Variants in ERC2 observed in about 807,000 individuals in gnomAD.
The protein encoded by ERC2 is ERC protein 2.
ERC2 carries 42 observed loss-of-function variants against 114.8 expected under a neutral mutation model. That is an observed-to-expected ratio of 0.37 (90% CI 0.29 to 0.47). The LOEUF is 0.47. Among genes scored for constraint, ERC2 ranks in the 20% least tolerant of loss-of-function variants. The probability of loss-of-function intolerance (pLI) is 0.99; values close to 1 mark genes in which losing one functional copy is unlikely to be tolerated. For synonymous variants in ERC2, 454 were observed against 425.5 expected (o/e 1.07, Z -0.82); for missense variants, 939 against 1,150.7 (o/e 0.82, Z 2.66).
intron 16 of ERC2, among the ~76,000 whole-genome samples, chr3:55,695,859 A>C (rs2062900242): frequency 1.3e-5 from 2 of 152,202 alleles, no homozygotes; most frequent in South Asian, 2.1e-4. Flanking sequence ...CAATCAAATA[A>C]GTCTGGGAAA....
intron 4 of ERC2, among the ~76,000 whole-genome samples, chr3:56,170,186 T>C (rs1024715362): frequency 6.6e-6 from 1 of 152,210 alleles, no homozygotes; most frequent in Non-Finnish European, 1.5e-5. Flanking sequence ...AGAAGATAAA[T>C]CACAAATAAC....
intron 3 of ERC2, among the ~76,000 whole-genome samples, chr3:56,279,224 A>G (rs2054194381): frequency 6.6e-6 from 1 of 152,210 alleles, no homozygotes; most frequent in Admixed American, 6.5e-5. Flanking sequence ...TTTTTATCAT[A>G]TACTAAGGCA....
At chr3:55,558,171 C>T (rs1362450341) in intron 17 of ERC2, among the ~76,000 whole-genome samples, 1 of 152,214 alleles carries the variant, frequency 6.6e-6, no homozygotes, top group African/African-American at 2.4e-5. Flanking sequence ...TTAATGCATT[C>T]ATGTGATCCT....
At chr3:56,155,105 G>T (rs1485672) in intron 4 of ERC2, among the ~76,000 whole-genome samples, 35,261 of 152,054 alleles carry the variant, frequency 0.23, 4,862 homozygotes, top group Admixed American at 0.31. Context: ...TCCAGCTATC[G>T]CACATATCTA....
chr3:56,176,496 A>G (rs1271668697), intron 3 of ERC2, among the ~76,000 whole-genome samples: 4 of 152,224 alleles, frequency 2.6e-5, no homozygotes, highest in African/African-American at 4.8e-5. Flanking sequence ...ATTATATTAT[A>G]ATACAAACCA....
intron 7 of ERC2, among the ~76,000 whole-genome samples, chr3:56,050,673 A>G (rs779975748): frequency 6.6e-6 from 1 of 152,008 alleles, no homozygotes; most frequent in Non-Finnish European, 1.5e-5. Context: ...GTCCTCCCAT[A>G]TTCTCTCAAC....
intron 2 of ERC2, among the ~76,000 whole-genome samples, chr3:56,302,304 A>T (rs2055933384): frequency 6.6e-6 from 1 of 152,168 alleles, no homozygotes. Context: ...CACTTTGACA[A>T]TGTAGGAAAT....
In ERC2 at chr3:56,063,112, C is replaced by T. The variant is rs777446859; in HGVS notation, c.1641+17705G>A. On this transcript the variant is annotated intron_variant, in intron 7 of 17. Coordinates refer to ENST00000288221, the MANE Select transcript of ERC2 (RefSeq NM_015576.3). ...TATGCTAAGTCAAAGAAGCCAGACA[C>T]GAAAGTCTATCCATATACAGGATGA... 3.9e-5 allele frequency among the ~76,000 whole-genome samples: 6 copies of T among 152,278 alleles called. No individual in the cohort carries two copies. The East Asian group carries it at 5.8e-4, about 15-fold the overall frequency.
chr3:55,973,378 AGT>A (rs2069323592), intron 12 of ERC2, among the ~76,000 whole-genome samples: 1 of 152,376 alleles, frequency 6.6e-6, no homozygotes, highest in Non-Finnish European at 1.5e-5. Flanking sequence ...TATATAGAGT[AGT>A]GGGAGGATGA....
intron 14 of ERC2, among the ~76,000 whole-genome samples, chr3:55,816,974 G>T (rs1275069614): frequency 6.6e-6 from 1 of 152,134 alleles, no homozygotes; most frequent in Admixed American, 6.5e-5. Context: ...AATGTGTCAA[G>T]ATTCCTCAGA....
intron 6 of ERC2, among the ~76,000 whole-genome samples, chr3:56,107,456 C>T (rs1012252884): frequency 2.6e-5 from 4 of 152,046 alleles, no homozygotes; most frequent in Admixed American, 1.3e-4. Flanking sequence ...TCCCAGGCTG[C>T]ACCCTTACTG....
chr3:56,099,776 C>G (rs901870626), intron 6 of ERC2, among the ~76,000 whole-genome samples: 6 of 152,200 alleles, frequency 3.9e-5, no homozygotes, highest in Non-Finnish European at 7.3e-5. Flanking sequence ...GTGAAGGTTT[C>G]TTTTCCTACC....
At chr3:56,269,377 C>A (rs932354477) in intron 3 of ERC2, among the ~76,000 whole-genome samples, 1 of 152,202 alleles carries the variant, frequency 6.6e-6, no homozygotes, top group Non-Finnish European at 1.5e-5. Flanking sequence ...CTTAGATGAT[C>A]CAAATTCAAC....
At chr3:55,945,343 A>G (rs889773533) in intron 13 of ERC2, among the ~76,000 whole-genome samples, 2 of 152,222 alleles carry the variant, frequency 1.3e-5, no homozygotes, top group Non-Finnish European at 2.9e-5. Context: ...TAAGTGTACC[A>G]TAACACATGA....
At chr3:55,681,871 C>A (rs1253523589) in intron 17 of ERC2, among the ~76,000 whole-genome samples, 2 of 152,174 alleles carry the variant, frequency 1.3e-5, no homozygotes, top group Non-Finnish European at 2.9e-5. Flanking sequence ...CTGTTCATAT[C>A]TCAGGGTGTC....
In ERC2 at chr3:56,311,274, TATATATATATATATATAC is replaced by T. The variant is rs1560571362; in HGVS notation, c.658-14857_658-14840del. On this transcript the variant is annotated intron_variant, in intron 2 of 17. Coordinates refer to ENST00000288221, the MANE Select transcript of ERC2 (RefSeq NM_015576.3). ...CTCTCTCTATATATATATATATATA[TATATATATATATATATAC>T]ACACATATATATAATTTTTTTTTTT... 8.1e-5 allele frequency among the ~76,000 whole-genome samples: 11 copies of T among 135,450 alleles called. 1 individual carries two copies. The highest frequency in any genetic ancestry group is 3.2e-4 in the African/African-American group (11 of 34,812). The allele number at this position is 135,450 out of a possible 152,430, so 88.9% of individuals were successfully genotyped here.
intron 15 of ERC2, among the ~76,000 whole-genome samples, chr3:55,715,692 T>A (rs1429160012): frequency 2.6e-5 from 4 of 152,124 alleles, no homozygotes; most frequent in African/African-American, 9.7e-5. Flanking sequence ...TAAAGCACCA[T>A]AATGATTATT....
chr3:56,200,458 C>A (rs747404743), intron 3 of ERC2, among the ~76,000 whole-genome samples: 11 of 152,170 alleles, frequency 7.2e-5, no homozygotes, highest in Non-Finnish European at 1.5e-4. Context: ...GCCACCCTCA[C>A]CCAACTGTGA....
At chr3:55,974,708 G>A (rs2069444911) in intron 12 of ERC2, among the ~76,000 whole-genome samples, 1 of 152,112 alleles carries the variant, frequency 6.6e-6, no homozygotes, top group Non-Finnish European at 1.5e-5. Context: ...TCCAGTCTAC[G>A]AAGCCACTGC....
Sources: gnomAD v4.1 joint callset for allele counts (sites outside exome capture counted in the v4.1 genomes callset) on GRCh38, gnomAD v4.1.1 for gene constraint, MANE v1.5 for transcripts, NCBI Gene and HGNC (gene_info 2026-07-23, HGNC 2026-07-21) for gene names.